Variants in CADM2 observed in about 807,000 individuals in gnomAD.
The protein encoded by CADM2 is immunoglobulin superfamily member 4D.
A neutral mutation model predicts 49.8 loss-of-function variants in CADM2; 12 were observed. That is an observed-to-expected ratio of 0.24 (90% confidence interval 0.15 to 0.39). The LOEUF (loss-of-function observed/expected upper bound fraction) is 0.39. Among genes scored for constraint, CADM2 ranks in the 10% least tolerant of loss-of-function variants. The pLI, the probability that CADM2 is intolerant of heterozygous loss-of-function variation, is 1.00. For missense variants in CADM2, 378 were observed against 492.3 expected (o/e 0.77, Z 2.20); for synonymous variants, 214 against 175.4 (o/e 1.22, Z -1.74).
chr3:85,288,201 G>A (rs939224578), intron 1 of CADM2, among the ~76,000 whole-genome samples: 11 of 151,942 alleles, frequency 7.2e-5, no homozygotes, highest in Admixed American at 2.0e-4. Context: ...TCTAAAATGC[G>A]TTTAATATTC....
chr3:85,665,291 G>A (rs755941433), intron 1 of CADM2, among the ~76,000 whole-genome samples: 3 of 151,654 alleles, frequency 2.0e-5, no homozygotes, highest in Admixed American at 6.6e-5. Flanking sequence ...TATGTAAGAC[G>A]AATTTAATTA....
At chr3:85,805,100 C>T (rs1030936826) in intron 3 of CADM2, among the ~76,000 whole-genome samples, 25 of 152,060 alleles carry the variant, frequency 1.6e-4, no homozygotes, top group Non-Finnish European at 1.3e-4. Flanking sequence ...GCCACCATGC[C>T]CAGCTAATTT....
chr3:85,749,282 G>A (rs967845203), intron 2 of CADM2, among the ~76,000 whole-genome samples: 5 of 151,820 alleles, frequency 3.3e-5, no homozygotes, highest in African/African-American at 4.8e-5. Context: ...AATACTAAGT[G>A]CAGATGCTTT....
chr3:85,814,515 A>C (rs1463851793), intron 3 of CADM2, among the ~76,000 whole-genome samples: 1 of 152,184 alleles, frequency 6.6e-6, no homozygotes, highest in African/African-American at 2.4e-5. Context: ...AAAAAGAACT[A>C]AGATCAGAGC....
intron 1 of CADM2, among the ~76,000 whole-genome samples, chr3:85,707,651 C>T (rs1042053255): frequency 6.6e-6 from 1 of 152,134 alleles, no homozygotes; most frequent in Non-Finnish European, 1.5e-5. Context: ...TCAACTTTCT[C>T]TTGGAGACAC....
chr3:85,553,101 A>G (rs2061856103), intron 1 of CADM2, among the ~76,000 whole-genome samples: 1 of 152,212 alleles, frequency 6.6e-6, no homozygotes, highest in Non-Finnish European at 1.5e-5. Context: ...TCACCAGAAT[A>G]ATTAAATAAA....
chr3:85,718,248 C>T (rs777783607), intron 1 of CADM2, among the ~76,000 whole-genome samples: 39 of 152,126 alleles, frequency 2.6e-4, no homozygotes, highest in Non-Finnish European at 4.4e-4. Flanking sequence ...CTATTATGTT[C>T]CAGTTATAGA....
chr3:85,418,268 C>T (rs192159641), intron 1 of CADM2, among the ~76,000 whole-genome samples: 6 of 151,886 alleles, frequency 4.0e-5, no homozygotes, highest in African/African-American at 1.4e-4. Context: ...AAAAGTGAAC[C>T]CTAATGTAAA....
intron 7 of CADM2, among the ~76,000 whole-genome samples, chr3:85,960,216 C>A (rs1056822202): frequency 6.6e-6 from 1 of 151,798 alleles, no homozygotes; most frequent in Non-Finnish European, 1.5e-5. Context: ...AACTTTTATC[C>A]CTTCTACAAA....
chr3:85,363,857 C>T (rs1487994452), intron 1 of CADM2, among the ~76,000 whole-genome samples: 2 of 151,448 alleles, frequency 1.3e-5, no homozygotes, highest in South Asian at 2.1e-4. Context: ...GTGATCCGCC[C>T]GCCTCGGCCT....
At chr3:85,604,847 C>T (rs899925997) in intron 1 of CADM2, among the ~76,000 whole-genome samples, 3 of 151,996 alleles carry the variant, frequency 2.0e-5, no homozygotes, top group Non-Finnish European at 4.4e-5. Context: ...AGTAATCAAA[C>T]AGCTGTGATA....
intron 1 of CADM2, among the ~76,000 whole-genome samples, chr3:84,973,304 G>A (rs959509070): frequency 2.6e-5 from 4 of 152,082 alleles, no homozygotes; most frequent in African/African-American, 7.2e-5. Flanking sequence ...ATGAGGATGT[G>A]AAATCACTGC....
chr3:85,401,258 A>G (rs2035093035), intron 1 of CADM2, among the ~76,000 whole-genome samples: 1 of 152,102 alleles, frequency 6.6e-6, no homozygotes, highest in Non-Finnish European at 1.5e-5. Context: ...CTCACTGGTA[A>G]AAGTACTGGT....
chr3:85,028,724 A>G (rs1050167910), intron 1 of CADM2, among the ~76,000 whole-genome samples: 1 of 152,060 alleles, frequency 6.6e-6, no homozygotes, highest in Admixed American at 6.6e-5. Context: ...TAAGAATTCC[A>G]TCTCCTTATT....
At chr3:85,903,886 C>A (rs1716459059) in intron 5 of CADM2, among the ~76,000 whole-genome samples, 1 of 152,086 alleles carries the variant, frequency 6.6e-6, no homozygotes, top group African/African-American at 2.4e-5. Flanking sequence ...CATCTAGAAT[C>A]CTTTGCTGGG....
At position 85,585,568 on chromosome 3, in the gene CADM2, T is replaced by C. The variant is rs946219740; in HGVS notation, c.62-140954T>C. On this transcript the variant is annotated intron_variant, in intron 1 of 9. Coordinates refer to ENST00000383699, the MANE Select transcript of CADM2 (RefSeq NM_001167675.2). ...TTTGTATAAAAAAACATAGTATATA[T>C]TGGATTGGGTACTATCTGCACTTTT... Among the ~76,000 whole-genome samples the C allele has an allele frequency of 6.6e-5, 10 of 151,960 alleles. No individual in the cohort carries two copies. In the East Asian group the frequency reaches 1.9e-3, roughly 29 times the overall value.
chr3:85,611,619 C>T (rs1477585750), intron 1 of CADM2, among the ~76,000 whole-genome samples: 1 of 151,682 alleles, frequency 6.6e-6, no homozygotes, highest in African/African-American at 2.4e-5. Context: ...TTAATTCTGT[C>T]TGAGAGTGAA....
intron 1 of CADM2, among the ~76,000 whole-genome samples, chr3:85,053,440 A>G (rs2107414448): frequency 6.6e-6 from 1 of 152,132 alleles, no homozygotes; most frequent in Non-Finnish European, 1.5e-5. Flanking sequence ...TGACAAATTA[A>G]TTGAAAGAAC....
chr3:85,220,135 T>C (rs999679851), intron 1 of CADM2, among the ~76,000 whole-genome samples: 2 of 152,108 alleles, frequency 1.3e-5, no homozygotes, highest in Non-Finnish European at 2.9e-5. Flanking sequence ...TAAAATTTTT[T>C]TGGCTAGGTT....
Sources: gnomAD v4.1 joint callset for allele counts (sites outside exome capture counted in the v4.1 genomes callset) on GRCh38, gnomAD v4.1.1 for gene constraint, MANE v1.5 for transcripts, NCBI Gene and HGNC (gene_info 2026-07-23, HGNC 2026-07-21) for gene names.